Variants in M1AP observed in about 807,000 individuals in gnomAD.
The protein encoded by M1AP is meiosis 1 associated protein.
Under a neutral mutation model 51.2 loss-of-function variants are expected in M1AP, and 39 were observed. The observed-to-expected ratio is 0.76, with a 90% CI of 0.59 to 1.00. The LOEUF (loss-of-function observed/expected upper bound fraction) is 1.00, where lower values mean the gene tolerates loss of function less well. Among genes scored for constraint, M1AP ranks in the 50% least tolerant of loss-of-function variants. The pLI, the probability that M1AP is intolerant of heterozygous loss-of-function variation, is 0.00. For synonymous variants in M1AP, 251 were observed against 249.2 expected, an observed-to-expected ratio of 1.01 and a Z score of -0.07; for missense variants, 545 against 641.2, an observed-to-expected ratio of 0.85 and a Z score of 1.62.
intron 2 of M1AP, among the ~76,000 whole-genome samples, chr2:74,616,715 C>T (rs543846827): frequency 6.6e-6 from 1 of 152,196 alleles, no homozygotes; most frequent in Non-Finnish European, 1.5e-5. Flanking sequence ...CATTCATATA[C>T]AATTTATTAA....
At chr2:74,594,596 G>T (rs765619889) in intron 4 of M1AP, among the ~76,000 whole-genome samples, 5 of 152,140 alleles carry the variant, frequency 3.3e-5, no homozygotes, top group African/African-American at 4.8e-5. Context: ...TTTACAGGCT[G>T]GGCATGGTGA....
intron 2 of M1AP, among the ~76,000 whole-genome samples, chr2:74,633,202 G>A (rs1380097996): frequency 1.3e-5 from 2 of 152,176 alleles, no homozygotes; most frequent in Non-Finnish European, 2.9e-5. Context: ...TCACCAGATT[G>A]CCATGGGATG....
intron 5 of M1AP, among the ~76,000 whole-genome samples, chr2:74,577,177 A>G (rs910058590): frequency 3.3e-5 from 5 of 152,224 alleles, no homozygotes; most frequent in East Asian, 1.9e-4. Flanking sequence ...GGGGAAAGGA[A>G]TAAGTTCCTG....
At chr2:74,586,629 T>C (rs1167970095) in intron 4 of M1AP, among the ~76,000 whole-genome samples, 1 of 152,248 alleles carries the variant, frequency 6.6e-6, no homozygotes, top group Non-Finnish European at 1.5e-5. Flanking sequence ...TGATTTATTT[T>C]TTTTTAAAGG....
chr2:74,637,129 A>T (rs1029844042), intron 2 of M1AP, among the ~76,000 whole-genome samples: 1 of 151,970 alleles, frequency 6.6e-6, no homozygotes, highest in Non-Finnish European at 1.5e-5. Context: ...CTATCCATTT[A>T]AAAAAAATGA....
intron 7 of M1AP, among the ~76,000 whole-genome samples, chr2:74,569,826 AG>A (rs1297136944): frequency 6.6e-6 from 1 of 152,044 alleles, no homozygotes; most frequent in Non-Finnish European, 1.5e-5. Flanking sequence ...TGGCTGAGAG[AG>A]GGAGGAAGAG....
chr2:74,569,655 G>A (rs779060248), intron 7 of M1AP, among the ~76,000 whole-genome samples: 4 of 151,720 alleles, frequency 2.6e-5, no homozygotes, highest in Non-Finnish European at 4.4e-5. Flanking sequence ...GATTACAGGT[G>A]TGAGTCACTG....
chr2:74,558,757 A>G lies in M1AP; in HGVS notation c.1552T>C (p.Phe518Leu). ...AASKSSSDAF[F>L]LPSEWEKDPS... is the part of the protein sequence containing the mutation. The stretch of plus-strand genomic sequence containing the variant: ...TCCTTCTCCCACTCTGAAGGCAGGA[A>G]GAAGGCATCTGAGGAAGATTTGCTG... The change falls in exon 11 of 11, where the codon TTC becomes CTC. Residue 518 changes from phenylalanine to leucine, a missense_variant. By Grantham distance (22) the Phe-to-Leu change is conservative. Coordinates refer to ENST00000421985, the MANE Select transcript of M1AP (RefSeq NM_001321739.2). 1.9e-6 allele frequency: 3 copies of G among 1,612,778 alleles called. No individual in the cohort carries two copies. Among genetic ancestry groups the G allele is most frequent in the Non-Finnish European group, 2.5e-6 (3 of 1,179,530 alleles).
intron 5 of M1AP, among the ~76,000 whole-genome samples, chr2:74,577,938 G>A (rs1679171591): frequency 6.6e-6 from 1 of 152,134 alleles, no homozygotes; most frequent in Admixed American, 6.5e-5. Flanking sequence ...TTTTCCATGG[G>A]GTGGTGGGGG....
At chr2:74,587,166 C>T (rs115625390) in intron 4 of M1AP, among the ~76,000 whole-genome samples, 2,222 of 151,900 alleles carry the variant, frequency 0.015, 66 homozygotes, top group African/African-American at 0.051. Flanking sequence ...ACAAAATGAA[C>T]TCTTTTAGGA....
intron 7 of M1AP, among the ~76,000 whole-genome samples, chr2:74,566,667 A>G (rs1204899695): frequency 1.8e-5 from 2 of 109,932 alleles, no homozygotes; most frequent in African/African-American, 7.4e-5. Flanking sequence ...CAGATGCTAC[A>G]CTGTAACCTC....
At chr2:74,635,928 C>T (rs560362450) in intron 2 of M1AP, among the ~76,000 whole-genome samples, 87 of 152,124 alleles carry the variant, frequency 5.7e-4, no homozygotes, top group African/African-American at 1.9e-3. Flanking sequence ...AAATGTTCCA[C>T]GGGTGCTTGA....
intron 4 of M1AP, among the ~76,000 whole-genome samples, chr2:74,589,445 C>A (rs1049539302): frequency 1.3e-5 from 2 of 152,200 alleles, no homozygotes; most frequent in African/African-American, 2.4e-5. Context: ...AAGAGTGGGG[C>A]AGAGTAAAGC....
chr2:74,607,346 G>T, intron 3 of M1AP, 123 bp from the exon 4 acceptor site: 1 of 945,862 alleles, frequency 1.1e-6, no homozygotes, highest in East Asian at 2.5e-5. Context: ...TATGTTTAGT[G>T]CAAAAAGGAT....
At chr2:74,590,658 C>A (rs563300322) in intron 4 of M1AP, among the ~76,000 whole-genome samples, 1 of 152,244 alleles carries the variant, frequency 6.6e-6, no homozygotes, top group Admixed American at 6.5e-5. Flanking sequence ...GAAGTGGGGA[C>A]TGCCCTATGA....
intron 1 of M1AP, chr2:74,647,913 G>A: frequency 6.2e-6 from 4 of 646,962 alleles, no homozygotes; most frequent in Non-Finnish European, 7.7e-6. Context: ...AGCAAAACCA[G>A]AAGAAAAAAA....
intron 4 of M1AP, among the ~76,000 whole-genome samples, chr2:74,591,826 T>C (rs529163068): frequency 1.3e-5 from 2 of 152,270 alleles, no homozygotes; most frequent in South Asian, 4.1e-4. Context: ...CACTCTGTCC[T>C]CTAGGATGGA....
At chr2:74,585,777 A>C (rs1464212941) in intron 4 of M1AP, among the ~76,000 whole-genome samples, 1 of 152,162 alleles carries the variant, frequency 6.6e-6, no homozygotes, top group Admixed American at 6.5e-5. Flanking sequence ...TAGAGGCTAA[A>C]CTTTTTTTCC....
At chr2:74,643,936 T>G (rs1186152010) in intron 1 of M1AP, among the ~76,000 whole-genome samples, 2 of 152,172 alleles carry the variant, frequency 1.3e-5, no homozygotes, top group African/African-American at 4.8e-5. Context: ...ATATTGGGTA[T>G]TCACTTTCTA....
Sources: allele counts gnomAD v4.1 joint callset (sites outside exome capture counted in the v4.1 genomes callset), GRCh38; gene constraint gnomAD v4.1.1; transcripts MANE v1.5; gene names NCBI Gene and HGNC (gene_info 2026-07-23, HGNC 2026-07-21).